The following MOB1B variants were observed in gnomAD, a reference collection of about 807,000 sequenced individuals.
The protein encoded by MOB1B is MOB1 Mps One Binder homolog B.
A neutral mutation model predicts 24.4 loss-of-function variants in MOB1B; 19 were observed. The ratio of observed to expected loss-of-function variants is 0.78; its 90% CI spans 0.54 to 1.14. The LOEUF is 1.14. Ranked by LOEUF, MOB1B falls within the 50% of genes most tolerant of loss-of-function variation. The pLI is 0.00. For missense variants in MOB1B, 243 were observed against 259.6 expected (o/e 0.94, Z 0.44); for synonymous variants, 76 against 82.1 (o/e 0.93, Z 0.40).
chr4:70,906,674 A>T (rs1735761660), intron 1 of MOB1B, among the ~76,000 whole-genome samples: 2 of 152,158 alleles, frequency 1.3e-5, no homozygotes, highest in South Asian at 4.1e-4. Flanking sequence ...AATGCTCAGG[A>T]TAAATTTGCA....
intron 3 of MOB1B, among the ~76,000 whole-genome samples, chr4:70,972,593 C>T (rs1354808656): frequency 6.6e-6 from 1 of 151,966 alleles, no homozygotes. Context: ...GCTGTGATGA[C>T]AGAAATACAT....
intron 1 of MOB1B, among the ~76,000 whole-genome samples, chr4:70,950,536 A>G (rs1269976452): frequency 3.3e-5 from 5 of 152,038 alleles, no homozygotes; most frequent in Admixed American, 1.3e-4. Context: ...GTATGTAAGT[A>G]CTTTAAATCC....
intron 2 of MOB1B, 104 bp from the exon 3 acceptor site, chr4:70,969,825 TTG>T (rs1467697542): frequency 1.8e-6 from 1 of 553,554 alleles, no homozygotes; most frequent in African/African-American, 1.9e-5. Flanking sequence ...CACCTGTTCT[TTG>T]TAGGGGAACG....
intron 1 of MOB1B, among the ~76,000 whole-genome samples, chr4:70,930,697 G>T (rs1736855459): frequency 6.6e-6 from 1 of 152,078 alleles, no homozygotes; most frequent in Admixed American, 6.5e-5. Context: ...TAAATGTCAG[G>T]TCTGACAACT....
upstream of MOB1B, chr4:70,902,186 G>A (rs889629959): frequency 2.2e-6 from 1 of 454,982 alleles, no homozygotes. Context: ...CAGAAGGTGA[G>A]AGTCCCCATG....
chr4:70,934,381 C>T lies in MOB1B; in HGVS notation c.15-24493C>T, dbSNP rs140331731. Among the ~76,000 whole-genome samples the T allele has an allele frequency of 2.7e-3, 407 of 151,966 alleles. 1 individual carries two copies. The highest frequency in any genetic ancestry group is 4.3e-3 in the Non-Finnish European group (290 of 67,984). On this transcript the variant is annotated intron_variant, in intron 1 of 5. Transcript: ENST00000309395. ...AATTACAGGCATGAGCCACTGTGCC[C>T]GGCCCCATTCTGCCAACTTTTCAAT...
At chr4:70,946,081 G>GTTTTTTT (rs1560648567) in intron 1 of MOB1B, among the ~76,000 whole-genome samples, 8 of 85,158 alleles carry the variant, frequency 9.4e-5, no homozygotes, top group Non-Finnish European at 7.2e-5. Context: ...GTTTTTGTTT[G>GTTTTTTT]TTCTTTTTTT....
intron 1 of MOB1B, among the ~76,000 whole-genome samples, chr4:70,958,209 G>T (rs1738149751): frequency 6.7e-6 from 1 of 150,346 alleles, no homozygotes; most frequent in Non-Finnish European, 1.5e-5. Flanking sequence ...CTGCCGCCCA[G>T]GCTAGAGTGC....
intron 1 of MOB1B, among the ~76,000 whole-genome samples, chr4:70,954,063 C>G (rs1737926677): frequency 6.6e-6 from 1 of 151,946 alleles, no homozygotes; most frequent in Non-Finnish European, 1.5e-5. Context: ...AGCACCCCCC[C>G]AAAAAAAGAA....
At chr4:70,904,049 C>T (rs1179429233) in intron 1 of MOB1B, among the ~76,000 whole-genome samples, 1 of 119,446 alleles carries the variant, frequency 8.4e-6, no homozygotes, top group Non-Finnish European at 1.6e-5. Context: ...GTGGCGTGAT[C>T]TCGGCTCACT....
intron 2 of MOB1B, among the ~76,000 whole-genome samples, chr4:70,964,631 A>G (rs1447447749): frequency 1.3e-5 from 2 of 152,198 alleles, no homozygotes; most frequent in Non-Finnish European, 2.9e-5. Context: ...AAATGCAAAG[A>G]AAGTTAAAAG....
At chr4:70,939,766 C>T (rs1346196192) in intron 1 of MOB1B, among the ~76,000 whole-genome samples, 1 of 152,236 alleles carries the variant, frequency 6.6e-6, no homozygotes, top group East Asian at 1.9e-4. Flanking sequence ...GTTTACCCAT[C>T]AGCTCATTGA....
At chr4:70,918,592 C>A (rs1476368590) in intron 1 of MOB1B, among the ~76,000 whole-genome samples, 1 of 151,194 alleles carries the variant, frequency 6.6e-6, no homozygotes, top group Non-Finnish European at 1.5e-5. Flanking sequence ...GGATATTAGC[C>A]CTTTGTCAGA....
intron 2 of MOB1B, among the ~76,000 whole-genome samples, chr4:70,966,374 C>CTT (rs777364803): frequency 1.6e-3 from 218 of 138,018 alleles, no homozygotes; most frequent in African/African-American, 5.4e-3. Context: ...GTGAGTCCCA[C>CTT]TTTTTTTTTT....
chr4:70,959,345 G>A (rs1029863210), intron 2 of MOB1B, among the ~76,000 whole-genome samples: 2 of 152,112 alleles, frequency 1.3e-5, no homozygotes, highest in Admixed American at 6.6e-5. Flanking sequence ...GCGTAGCTGG[G>A]ACTGTAGGCA....
At chr4:70,914,919 G>C (rs755976094) in intron 1 of MOB1B, among the ~76,000 whole-genome samples, 13 of 152,164 alleles carry the variant, frequency 8.5e-5, no homozygotes, top group Non-Finnish European at 1.6e-4. Context: ...CTGAGATTCA[G>C]CTGTGTGTGG....
At position 70,974,258 on chromosome 4, in the gene MOB1B, G is replaced by T. The variant is rs190640726; in HGVS notation, c.276-895G>T. Among the ~76,000 whole-genome samples, 499 of 151,874 alleles carry T rather than the reference G, an allele frequency of 3.3e-3. 3 individuals are homozygous for T. Among genetic ancestry groups the T allele is most frequent in the Non-Finnish European group, 5.8e-3 (393 of 67,906 alleles). ...CAACCTCCTCCTCCCTGGTTCAAGC[G>T]ATTTCTGGCTAATTTTTGTATTTTT... On this transcript the variant is annotated intron_variant, in intron 3 of 5. Transcript: ENST00000309395.
At chr4:70,957,034 G>A (rs547769036) in intron 1 of MOB1B, among the ~76,000 whole-genome samples, 1 of 151,256 alleles carries the variant, frequency 6.6e-6, no homozygotes, top group Non-Finnish European at 1.5e-5. Flanking sequence ...GGTTGGGGGT[G>A]TAAAGTTGAG....
intron 1 of MOB1B, among the ~76,000 whole-genome samples, chr4:70,931,399 G>C (rs189774495): frequency 1.1e-4 from 16 of 152,236 alleles, no homozygotes; most frequent in African/African-American, 3.9e-4. Context: ...CAAAATCATC[G>C]TACTTTTGTG....
Sources: gnomAD v4.1 joint callset for allele counts (sites outside exome capture counted in the v4.1 genomes callset) on GRCh38, gnomAD v4.1.1 for gene constraint, MANE v1.5 for transcripts, NCBI Gene and HGNC (gene_info 2026-07-23, HGNC 2026-07-21) for gene names.